TCF12: variants seen among roughly 807,000 people sequenced by gnomAD.
TCF12 encodes transcription factor 12.
In TCF12, 45 loss-of-function variants were observed where a neutral mutation model predicts 86.0. The observed-to-expected ratio is 0.52, with a 90% CI of 0.41 to 0.67. The LOEUF (loss-of-function observed/expected upper bound fraction) is 0.67, where lower values mean the gene tolerates loss of function less well. Among genes scored for constraint, TCF12 ranks in the 30% least tolerant of loss-of-function variants. The pLI is 0.00. For missense variants in TCF12, 881 were observed against 859.9 expected (o/e 1.02, Z -0.31); for synonymous variants, 330 against 299.6 (o/e 1.10, Z -1.05).
intron 5 of TCF12, among the ~76,000 whole-genome samples, chr15:57,130,153 T>C (rs1476602048): frequency 2.6e-5 from 4 of 152,236 alleles, no homozygotes; most frequent in Non-Finnish European, 4.4e-5. Flanking sequence ...TTGACCTCTC[T>C]AGGATAAAAT....
intron 4 of TCF12, among the ~76,000 whole-genome samples, chr15:57,087,777 C>T (rs2048744502): frequency 6.6e-6 from 1 of 151,998 alleles, no homozygotes; most frequent in African/African-American, 2.4e-5. Flanking sequence ...AAGATGGGAA[C>T]AGTGATTGTT....
chr15:57,059,711 T>G (rs2068306894), intron 3 of TCF12, among the ~76,000 whole-genome samples: 1 of 145,600 alleles, frequency 6.9e-6, no homozygotes, highest in Non-Finnish European at 1.5e-5. Context: ...AACAATAATT[T>G]GTTTACAGGG....
At chr15:57,032,042 A>C (rs1318700133) in intron 3 of TCF12, among the ~76,000 whole-genome samples, 1 of 152,138 alleles carries the variant, frequency 6.6e-6, no homozygotes, top group African/African-American at 2.4e-5. Context: ...GGCAGTTGTA[A>C]AAGTGACCTC....
chr15:57,192,374 CT>C (rs369602117), intron 7 of TCF12, 81 bp downstream of exon 7: 152,403 of 1,150,776 alleles, frequency 0.13, 25 homozygotes, highest in South Asian at 0.18. Context: ...TCTGGCTATG[CT>C]TTTTTTTTTT....
At chr15:57,194,424 C>T (rs1327098022) in intron 7 of TCF12, among the ~76,000 whole-genome samples, 2 of 152,088 alleles carry the variant, frequency 1.3e-5, no homozygotes, top group African/African-American at 2.4e-5. Context: ...GGAGGTCCAC[C>T]GATTTCCTGT....
At chr15:57,281,630 G>A (rs1194871377) in intron 19 of TCF12, 1 of 152,168 alleles carries the variant, frequency 6.6e-6, no homozygotes, top group Non-Finnish European at 1.5e-5. Context: ...GATTCTCATA[G>A]GAGCATGAAC....
intron 4 of TCF12, among the ~76,000 whole-genome samples, chr15:57,076,777 G>T (rs771743957): frequency 6.6e-6 from 1 of 152,130 alleles, no homozygotes; most frequent in Non-Finnish European, 1.5e-5. Context: ...GTTAGGCAGT[G>T]TAAACATTTA....
At chr15:57,057,264 G>T (rs2068102096) in intron 3 of TCF12, among the ~76,000 whole-genome samples, 1 of 152,150 alleles carries the variant, frequency 6.6e-6, no homozygotes, top group African/African-American at 2.4e-5. Flanking sequence ...TCCCTTTTGG[G>T]ATTCTATCCT....
In TCF12 at chr15:57,263,167, C is replaced by G; in HGVS notation, c.1638C>G (p.Asn546Lys). ...TTACAACAGAAATCAAGACTGAAAA[C>G]AAAGAAAAGGATGAAAACCTTCATG... ...TVVTTEIKTE[N>K]KEKDENLHEP... Residue 546 changes from asparagine (N) to lysine (K), a missense_variant, in exon 18 of 21, where the codon AAC becomes AAG. Asn to Lys is a moderately conservative substitution (Grantham distance 94). Transcript: ENST00000333725. The G allele has an allele frequency of 1.9e-6, 3 of 1,612,884 alleles. No individual in the cohort carries two copies. Among genetic ancestry groups the G allele is most frequent in the Non-Finnish European group, 1.7e-6 (2 of 1,179,638 alleles).
chr15:57,070,494 C>A (rs1395823926), intron 4 of TCF12, among the ~76,000 whole-genome samples: 1 of 152,086 alleles, frequency 6.6e-6, no homozygotes, highest in African/African-American at 2.4e-5. Flanking sequence ...AATAAAAACT[C>A]AGTGAAAGTA....
intron 3 of TCF12, among the ~76,000 whole-genome samples, chr15:56,973,597 C>CTG (rs1223925993): frequency 6.6e-6 from 1 of 152,028 alleles, no homozygotes; most frequent in Non-Finnish European, 1.5e-5. Flanking sequence ...ATTTGGCAAC[C>CTG]ATTATGGTAA....
At chr15:57,233,767 G>A (rs1433964199) in intron 11 of TCF12, among the ~76,000 whole-genome samples, 13 of 152,160 alleles carry the variant, frequency 8.5e-5, no homozygotes, top group Non-Finnish European at 1.6e-4. Flanking sequence ...ATGAGCCACC[G>A]CGCCTGGCCT....
chr15:57,022,113 A>C (rs1179054061), intron 3 of TCF12, among the ~76,000 whole-genome samples: 2 of 152,072 alleles, frequency 1.3e-5, no homozygotes, highest in Admixed American at 6.5e-5. Flanking sequence ...ACATGTGCAC[A>C]ACGTGCAGGT....
intron 5 of TCF12, among the ~76,000 whole-genome samples, chr15:57,096,144 G>A (rs1206230042): frequency 6.6e-6 from 1 of 152,124 alleles, no homozygotes; most frequent in African/African-American, 2.4e-5. Context: ...TGATCTTGAT[G>A]GATGACCGTG....
chr15:56,969,266 A>T (rs1236816233), intron 3 of TCF12, among the ~76,000 whole-genome samples: 1 of 152,164 alleles, frequency 6.6e-6, no homozygotes, highest in African/African-American at 2.4e-5. Flanking sequence ...TTTTCGTTTC[A>T]TAAACTTCAG....
At chr15:57,131,064 T>C (rs1357885811) in intron 5 of TCF12, among the ~76,000 whole-genome samples, 2 of 152,226 alleles carry the variant, frequency 1.3e-5, no homozygotes, top group South Asian at 2.1e-4. Flanking sequence ...CAGAGCGTTA[T>C]TGTCAGACAT....
chr15:57,232,463 C>G (rs1421382746), intron 10 of TCF12, 33 bp downstream of exon 10: 1 of 1,555,364 alleles, frequency 6.4e-7, no homozygotes, highest in Admixed American at 2.1e-5. Context: ...GGTACAGCAA[C>G]ACTTTGTCCT....
intron 18 of TCF12, among the ~76,000 whole-genome samples, chr15:57,267,185 A>C (rs1312257762): frequency 6.6e-6 from 1 of 152,178 alleles, no homozygotes; most frequent in Non-Finnish European, 1.5e-5. Flanking sequence ...TTATGGTGCA[A>C]TGAGGATGGT....
chr15:57,246,634 T>C (rs1255282307), intron 13 of TCF12, among the ~76,000 whole-genome samples: 2 of 152,076 alleles, frequency 1.3e-5, no homozygotes, highest in Non-Finnish European at 2.9e-5. Context: ...TACCACAGTT[T>C]ACAGGGCAAT....
Sources: allele counts gnomAD v4.1 joint callset (sites outside exome capture counted in the v4.1 genomes callset), GRCh38; gene constraint gnomAD v4.1.1; transcripts MANE v1.5; gene names NCBI Gene and HGNC (gene_info 2026-07-23, HGNC 2026-07-21).